IGF2BP3: variants seen among roughly 807,000 people sequenced by gnomAD.
The protein encoded by IGF2BP3 is insulin like growth factor 2 mRNA binding protein 3.
A neutral mutation model predicts 73.8 loss-of-function variants in IGF2BP3; 9 were observed. The ratio of observed to expected loss-of-function variants is 0.12; its 90% confidence interval spans 0.07 to 0.21. The LOEUF (loss-of-function observed/expected upper bound fraction) is 0.21, where lower values mean the gene tolerates loss of function less well. Ranked by LOEUF, IGF2BP3 falls within the 10% of genes least tolerant of loss-of-function variation. The pLI, the probability that IGF2BP3 is intolerant of heterozygous loss-of-function variation, is 1.00. For missense variants in IGF2BP3, 542 were observed against 714.0 expected (o/e 0.76, Z 2.75); for synonymous variants, 258 against 256.7 (o/e 1.01, Z -0.05).
intron 3 of IGF2BP3, among the ~76,000 whole-genome samples, chr7:23,403,893 G>C (rs1344352071): frequency 6.6e-6 from 1 of 151,988 alleles, no homozygotes; most frequent in East Asian, 1.9e-4. Flanking sequence ...GAGGTCAAGG[G>C]AGGAGGATCG....
chr7:23,333,023 G>A (rs1360117438), intron 10 of IGF2BP3, among the ~76,000 whole-genome samples: 1 of 152,192 alleles, frequency 6.6e-6, no homozygotes, highest in East Asian at 1.9e-4. Context: ...TTACCCCACA[G>A]TATTTTGTCA....
chr7:23,444,452 C>T (rs1363415932), intron 2 of IGF2BP3, among the ~76,000 whole-genome samples: 1 of 152,010 alleles, frequency 6.6e-6, no homozygotes, highest in Admixed American at 6.6e-5. Flanking sequence ...TTTAAAATTG[C>T]TTTTTAGGTC....
chr7:23,371,641 G>A (rs545804252), intron 3 of IGF2BP3, among the ~76,000 whole-genome samples: 14 of 152,292 alleles, frequency 9.2e-5, no homozygotes, highest in Admixed American at 2.6e-4. Context: ...CAGCACCACA[G>A]ACCAGACCAT....
At chr7:23,407,074 T>A (rs999108691) in intron 3 of IGF2BP3, among the ~76,000 whole-genome samples, 2 of 150,806 alleles carry the variant, frequency 1.3e-5, no homozygotes, top group Non-Finnish European at 2.9e-5. Flanking sequence ...CAAAAATTAC[T>A]AGTATCAGAA....
At chr7:23,373,241 T>C (rs1473783710) in intron 3 of IGF2BP3, among the ~76,000 whole-genome samples, 1 of 152,220 alleles carries the variant, frequency 6.6e-6, no homozygotes, top group Non-Finnish European at 1.5e-5. Flanking sequence ...TGCTACATTT[T>C]ACTCACAGAA....
chr7:23,336,442 C>T (rs1213452146), intron 10 of IGF2BP3, among the ~76,000 whole-genome samples: 1 of 151,524 alleles, frequency 6.6e-6, no homozygotes, highest in Non-Finnish European at 1.5e-5. Flanking sequence ...ACTTTCTAAA[C>T]CATTTTTTTT....
In IGF2BP3 at chr7:23,428,519, G is replaced by GA. The variant is rs144236446; in HGVS notation, c.237-9696dup. On this transcript the variant is annotated intron_variant, in intron 2 of 14. Coordinates refer to ENST00000258729, the MANE Select transcript of IGF2BP3 (RefSeq NM_006547.3). ...GGCTTCTCTTTGATGCTGTATAAAA[G>GA]AAAAAAAAAATATATATATATAATA... Among the ~76,000 whole-genome samples, 18 of 145,590 alleles carry GA rather than the reference G, an allele frequency of 1.2e-4. 1 individual carries two copies. The highest frequency in any genetic ancestry group is 4.3e-4 in the South Asian group (2 of 4,640).
intron 3 of IGF2BP3, among the ~76,000 whole-genome samples, chr7:23,412,838 T>C (rs1303868902): frequency 3.7e-5 from 5 of 136,222 alleles, no homozygotes; most frequent in Admixed American, 2.3e-4. Context: ...CTTAAGACTC[T>C]GGCCTTTTTT....
At chr7:23,339,278 C>G (rs1388544263) in intron 10 of IGF2BP3, among the ~76,000 whole-genome samples, 3 of 152,220 alleles carry the variant, frequency 2.0e-5, no homozygotes, top group African/African-American at 7.2e-5. Flanking sequence ...TCCTCCCATT[C>G]TTAAAACAAA....
At chr7:23,317,531 T>G in intron 12 of IGF2BP3, 108 bp downstream of exon 12, 1 of 787,342 alleles carries the variant, frequency 1.3e-6, no homozygotes, top group South Asian at 1.6e-5. Context: ...AGATAAGAAT[T>G]TCCATTGACT....
At chr7:23,380,216 A>T (rs112118429) in intron 3 of IGF2BP3, among the ~76,000 whole-genome samples, 7,149 of 126,188 alleles carry the variant, frequency 0.057, 619 homozygotes, top group African/African-American at 0.19. Flanking sequence ...CAGGCTGGAG[A>T]GCAGTGGCAC....
At chr7:23,350,010 T>C (rs1784921660) in intron 6 of IGF2BP3, among the ~76,000 whole-genome samples, 1 of 152,164 alleles carries the variant, frequency 6.6e-6, no homozygotes, top group Non-Finnish European at 1.5e-5. Flanking sequence ...GGGCGATTAA[T>C]TTTGCATTCA....
At position 23,343,862 on chromosome 7, in the gene IGF2BP3, T is replaced by C; in HGVS notation, c.942-9A>G. The stretch of plus-strand genomic sequence containing the variant: ...GCGTCAATTCCTGCAATCTGCAGAA[T>C]GAAAAAGAAGGGAAAGAAAAAGAAT... On this transcript the variant is annotated splice_polypyrimidine_tract_variant and intron_variant, in intron 8 of 14. Transcript: ENST00000258729. 1 of 1,606,068 alleles carries C rather than the reference T, an allele frequency of 6.2e-7. No individual in the cohort carries two copies. The highest frequency in any genetic ancestry group is 1.7e-4 in the Middle Eastern group (1 of 6,028).
At chr7:23,334,218 C>T (rs1297447790) in intron 10 of IGF2BP3, among the ~76,000 whole-genome samples, 3 of 152,092 alleles carry the variant, frequency 2.0e-5, no homozygotes, top group Non-Finnish European at 4.4e-5. Flanking sequence ...ATTCCAGCTA[C>T]TCAGGAGGCT....
rs1480900223 is a variant in IGF2BP3 at position 23,346,055 on chromosome 7, C to G, written c.826G>C (p.Glu276Gln). Reference sequence around the variant, plus strand: ...TGAGCTAAAATCTTCAAGGGGATCTCTTCTGTGCTGTAAATAGAAAAGTGG... The same window carrying G: ...TGAGCTAAAATCTTCAAGGGGATCTGTTCTGTGCTGTAAATAGAAAAGTGG... ...KEAQDIKFTE[E>Q]IPLKILAHNN... Residue 276 changes from glutamate to glutamine, a missense_variant, in exon 8 of 15, where the codon GAG becomes CAG. Glu to Gln is a conservative substitution (Grantham distance 29). This residue lies in a region of IGF2BP3 where 303 missense variants were observed against 472.1 expected (regional missense o/e 0.64). Transcript: ENST00000258729. 6.2e-7 allele frequency: 1 copy of G among 1,611,008 alleles called. No individual in the cohort carries two copies. The highest frequency in any genetic ancestry group is 1.1e-5 in the South Asian group (1 of 90,522).
chr7:23,373,068 C>T (rs966280066), intron 3 of IGF2BP3, among the ~76,000 whole-genome samples: 2 of 152,172 alleles, frequency 1.3e-5, no homozygotes, highest in Non-Finnish European at 2.9e-5. Context: ...GAAACCAGTT[C>T]AATCCTTACT....
chr7:23,409,197 A>G (rs1362718827), intron 3 of IGF2BP3, among the ~76,000 whole-genome samples: 1 of 152,176 alleles, frequency 6.6e-6, no homozygotes, highest in Non-Finnish European at 1.5e-5. Flanking sequence ...CCAGTTCCTA[A>G]CAGGCCACAG....
chr7:23,335,365 C>T (rs568545866), intron 10 of IGF2BP3, among the ~76,000 whole-genome samples: 34 of 152,084 alleles, frequency 2.2e-4, no homozygotes, highest in South Asian at 1.5e-3. Context: ...TCACTGCAGC[C>T]TTGACCTCCC....
At position 23,380,202 on chromosome 7, in the gene IGF2BP3, T is replaced by C. The variant is rs140295929; in HGVS notation, c.286-18461A>G. Among the ~76,000 whole-genome samples, 1,462 of 134,348 alleles carry C rather than the reference T, an allele frequency of 0.011. 57 individuals are homozygous for C. In the East Asian group the frequency reaches 0.13, roughly 12 times the overall value. The allele number at this position is 134,348 out of a possible 152,430, so 88.1% of individuals were successfully genotyped here. On this transcript the variant is annotated intron_variant, in intron 3 of 14. Coordinates refer to ENST00000258729, the MANE Select transcript of IGF2BP3 (RefSeq NM_006547.3). The stretch of plus-strand genomic sequence containing the variant: ...TTTTTGAGATGGAGTCTCGCTCTGT[T>C]GCCCAGGCTGGAGAGCAGTGGCACG...
Sources: gnomAD v4.1 joint callset for allele counts (sites outside exome capture counted in the v4.1 genomes callset) on GRCh38, gnomAD v4.1.1 for gene constraint, gnomAD v4.1.1 regional missense constraint, MANE v1.5 for transcripts, NCBI Gene and HGNC (gene_info 2026-07-23, HGNC 2026-07-21) for gene names.